The following MPPED2 variants were observed in gnomAD, a reference collection of about 807,000 sequenced individuals.
The protein encoded by MPPED2 is metallophosphoesterase domain containing 2, also known as metallophosphoesterase MPPED2.
MPPED2 carries 5 observed loss-of-function variants against 33.0 expected under a neutral mutation model. That is an observed-to-expected ratio of 0.15 (90% CI 0.08 to 0.32). The LOEUF (loss-of-function observed/expected upper bound fraction) is 0.32, where lower values mean the gene tolerates loss of function less well. MPPED2 is among the 10% of genes least tolerant of loss of function. The pLI, the probability that MPPED2 is intolerant of heterozygous loss-of-function variation, is 1.00. For synonymous variants in MPPED2, 136 were observed against 141.9 expected (o/e 0.96, Z 0.29); for missense variants, 275 against 372.1 (o/e 0.74, Z 2.15).
At chr11:30,535,358 T>TGG (rs1954754748) in intron 3 of MPPED2, among the ~76,000 whole-genome samples, 1 of 152,156 alleles carries the variant, frequency 6.6e-6, no homozygotes, top group African/African-American at 2.4e-5. Context: ...CAGGATCCAA[T>TGG]ATTTTGCAGT....
intron 4 of MPPED2, among the ~76,000 whole-genome samples, 183 bp from the exon 5 acceptor site, chr11:30,417,816 G>A (rs1022333734): frequency 2.6e-5 from 4 of 152,128 alleles, no homozygotes; most frequent in Non-Finnish European, 4.4e-5. Context: ...GAAAGTAAGC[G>A]TGGAGCCTAC....
chr11:30,476,600 A>T (rs1304096023), intron 4 of MPPED2, among the ~76,000 whole-genome samples: 1 of 151,962 alleles, frequency 6.6e-6, no homozygotes, highest in African/African-American at 2.4e-5. Context: ...TTTGACATTG[A>T]TCTATGTGTC....
At chr11:30,430,513 C>A (rs547456998) in intron 4 of MPPED2, among the ~76,000 whole-genome samples, 21 of 152,210 alleles carry the variant, frequency 1.4e-4, no homozygotes, top group Admixed American at 3.3e-4. Context: ...ATGTAGTTCA[C>A]GTTATATTCA....
intron 3 of MPPED2, among the ~76,000 whole-genome samples, chr11:30,500,259 T>A (rs531035080): frequency 6.6e-6 from 1 of 152,214 alleles, no homozygotes; most frequent in Non-Finnish European, 1.5e-5. Context: ...ATTACTGCTG[T>A]GGCACTCTCC....
At chr11:30,429,548 G>A (rs909824835) in intron 4 of MPPED2, among the ~76,000 whole-genome samples, 1 of 152,220 alleles carries the variant, frequency 6.6e-6, no homozygotes. Context: ...ACACAGACCC[G>A]GTGTCTCCCT....
chr11:30,541,289 T>C (rs1397267227), intron 2 of MPPED2, among the ~76,000 whole-genome samples: 2 of 152,234 alleles, frequency 1.3e-5, no homozygotes, highest in Non-Finnish European at 2.9e-5. Flanking sequence ...AAAAATATGA[T>C]AATATTATGG....
intron 4 of MPPED2, among the ~76,000 whole-genome samples, chr11:30,427,961 G>A (rs917196211): frequency 5.9e-5 from 9 of 152,198 alleles, no homozygotes; most frequent in African/African-American, 1.7e-4. Context: ...CATCTACTTC[G>A]ACTCTACTTT....
At chr11:30,521,228 T>C (rs1178295464) in intron 3 of MPPED2, among the ~76,000 whole-genome samples, 1 of 152,002 alleles carries the variant, frequency 6.6e-6, no homozygotes, top group Non-Finnish European at 1.5e-5. Context: ...AAATCCTGGA[T>C]TTAGGAATAA....
At chr11:30,459,472 T>C (rs1024723354) in intron 4 of MPPED2, among the ~76,000 whole-genome samples, 1 of 152,186 alleles carries the variant, frequency 6.6e-6, no homozygotes, top group Non-Finnish European at 1.5e-5. Flanking sequence ...AAACTATGGC[T>C]TTTGAAATAC....
At chr11:30,463,166 C>T (rs1950575419) in intron 4 of MPPED2, among the ~76,000 whole-genome samples, 1 of 152,170 alleles carries the variant, frequency 6.6e-6, no homozygotes, top group South Asian at 2.1e-4. Context: ...TCTCGGCTAT[C>T]CACTCAGGGC....
chr11:30,520,385 A>G (rs955368884), intron 3 of MPPED2, among the ~76,000 whole-genome samples: 1 of 152,214 alleles, frequency 6.6e-6, no homozygotes, highest in Non-Finnish European at 1.5e-5. Flanking sequence ...AAGCTGGGAA[A>G]TTCAGGCAAT....
rs1947843842 is a variant in MPPED2 at position 30,396,707 on chromosome 11, T to C, written c.767-7751A>G. 2.0e-5 allele frequency among the ~76,000 whole-genome samples: 3 copies of C among 152,156 alleles called. 1 individual carries two copies. The South Asian group carries it at 6.2e-4, about 32-fold the overall frequency. On this transcript the variant is annotated intron_variant, in intron 6 of 6. Coordinates refer to the MPPED2 transcript ENST00000448418. Reference sequence around the variant, plus strand: ...TGAACCATGAGTTTGAATGCTCTTTTTTCAGTTTATTTTTAAAAATTAAAA... The same window carrying C: ...TGAACCATGAGTTTGAATGCTCTTTCTTCAGTTTATTTTTAAAAATTAAAA...
At chr11:30,579,002 CTTTTTTT>C (rs57264756) in intron 2 of MPPED2, among the ~76,000 whole-genome samples, 1 of 141,074 alleles carries the variant, frequency 7.1e-6, no homozygotes, top group Non-Finnish European at 1.5e-5. Flanking sequence ...TTGTCTTTTC[CTTTTTTT>C]TTTTTTTTTG....
intron 4 of MPPED2, among the ~76,000 whole-genome samples, chr11:30,434,441 C>G (rs1290429731): frequency 6.6e-6 from 1 of 152,150 alleles, no homozygotes; most frequent in Non-Finnish European, 1.5e-5. Flanking sequence ...ATTCTCAAAC[C>G]ATGGTGTGTT....
chr11:30,389,331 C>T (rs753695740), intron 6 of MPPED2, among the ~76,000 whole-genome samples: 3 of 152,082 alleles, frequency 2.0e-5, no homozygotes, highest in Non-Finnish European at 2.9e-5. Flanking sequence ...TGTGGTCACC[C>T]GCAGAACCAA....
At chr11:30,418,259 G>A (rs1450738989) in intron 4 of MPPED2, among the ~76,000 whole-genome samples, 3 of 152,182 alleles carry the variant, frequency 2.0e-5, no homozygotes, top group African/African-American at 7.2e-5. Context: ...TGCCACCAAA[G>A]GGAAGATTTG....
chr11:30,523,411 C>G (rs1268714656), intron 3 of MPPED2, among the ~76,000 whole-genome samples: 4 of 152,188 alleles, frequency 2.6e-5, no homozygotes, highest in Non-Finnish European at 4.4e-5. Context: ...ATCCAGAAAC[C>G]TGTTGCAGGG....
chr11:30,495,599 G>A, intron 3 of MPPED2, 78 bp from the exon 4 acceptor site: 1 of 1,047,110 alleles, frequency 9.6e-7, no homozygotes. Context: ...TGTGTGATTA[G>A]CAGACAGCTC....
At chr11:30,387,252 TCTATGA>T (rs1298238690) in exon 7 of MPPED2, 2 of 153,080 alleles carry the variant, frequency 1.3e-5, no homozygotes, top group Admixed American at 6.5e-5. Context: ...TCTGAATAAT[TCTATGA>T]CTAAGTTTTC....
Sources: gnomAD v4.1 joint callset for allele counts (sites outside exome capture counted in the v4.1 genomes callset) on GRCh38, gnomAD v4.1.1 for gene constraint, MANE v1.5 for transcripts, NCBI Gene and HGNC (gene_info 2026-07-23, HGNC 2026-07-21) for gene names.